The following UGT1A8 variants were observed in gnomAD, a reference collection of about 807,000 sequenced individuals.
UGT1A8 encodes UDP glucuronosyltransferase family 1 member A8.
UGT1A8 carries 39 observed loss-of-function variants against 45.3 expected under a neutral mutation model. The ratio of observed to expected loss-of-function variants is 0.86; its 90% CI spans 0.67 to 1.12. The LOEUF (loss-of-function observed/expected upper bound fraction) is 1.12, where lower values mean the gene tolerates loss of function less well. UGT1A8 is among the 50% of genes most tolerant of loss of function. UGT1A8 has a pLI of 0.00. For synonymous variants in UGT1A8, 275 were observed against 249.2 expected, an observed-to-expected ratio of 1.10 and a Z score of -0.97; for missense variants, 719 against 664.9, an observed-to-expected ratio of 1.08 and a Z score of -0.90.
chr2:233,713,183 G>A (rs2076288608), intron 1 of UGT1A8: 12 of 1,614,100 alleles, frequency 7.4e-6, no homozygotes, highest in Non-Finnish European at 1.0e-5. Flanking sequence ...TCACCCTGGA[G>A]GTGAATATGT....
At chr2:233,647,473 T>C (rs2073634866) in intron 1 of UGT1A8, among the ~76,000 whole-genome samples, 1 of 152,240 alleles carries the variant, frequency 6.6e-6, no homozygotes, top group Non-Finnish European at 1.5e-5. Context: ...ATTTCTTCCT[T>C]CAGTGTTTGG....
chr2:233,670,922 C>CA (rs1186411067), intron 1 of UGT1A8, among the ~76,000 whole-genome samples: 2 of 152,136 alleles, frequency 1.3e-5, no homozygotes, highest in Non-Finnish European at 2.9e-5. Context: ...TCTTGTACAA[C>CA]AAAAAAACTG....
intron 1 of UGT1A8, chr2:233,648,031 C>A: frequency 6.3e-7 from 1 of 1,596,426 alleles, no homozygotes; most frequent in Non-Finnish European, 8.5e-7. Context: ...GAGTTGGCAA[C>A]TGGGAAGATC....
chr2:233,746,806 G>C (rs1247555019), intron 1 of UGT1A8, among the ~76,000 whole-genome samples: 1 of 151,794 alleles, frequency 6.6e-6, no homozygotes, highest in African/African-American at 2.4e-5. Flanking sequence ...GCGTGAATGT[G>C]GATTGCCTAC....
chr2:233,731,513 C>G (rs972587345), intron 1 of UGT1A8, among the ~76,000 whole-genome samples: 4 of 152,148 alleles, frequency 2.6e-5, no homozygotes, highest in Admixed American at 1.3e-4. Context: ...CAGTTCCCAC[C>G]TATGAGTGAG....
intron 1 of UGT1A8, chr2:233,761,102 T>A: frequency 6.2e-7 from 1 of 1,614,234 alleles, no homozygotes; most frequent in Non-Finnish European, 8.5e-7. Context: ...ATGCCCAATA[T>A]GGTTTTTGTT....
intron 1 of UGT1A8, among the ~76,000 whole-genome samples, chr2:233,698,143 A>C (rs995620275): frequency 3.9e-5 from 6 of 152,198 alleles, no homozygotes; most frequent in Non-Finnish European, 8.8e-5. Flanking sequence ...TCTCAACTGT[A>C]TTCCCAGCAT....
chr2:233,743,310 G>T, intron 1 of UGT1A8: 2 of 644,780 alleles, frequency 3.1e-6, no homozygotes, highest in Non-Finnish European at 5.0e-6. Context: ...TCTTGGTGGT[G>T]ATTTTTTTAC....
At position 233,747,373 on chromosome 2, in the gene UGT1A8, G is replaced by A. The variant is rs565595947; in HGVS notation, c.856-19661G>A. 4.2e-4 allele frequency: 670 copies of A among 1,604,600 alleles called. 2 individuals are homozygous for A. The highest frequency in any genetic ancestry group is 5.4e-4 in the Non-Finnish European group (630 of 1,172,902). ...GAGGCCGTGCGGGAGCTCCATGCCAGAGGCCACCAGGCGGTGGTCCTCACC... is the reference window on the plus strand; with the variant it reads ...GAGGCCGTGCGGGAGCTCCATGCCAAAGGCCACCAGGCGGTGGTCCTCACC... On this transcript the variant is annotated intron_variant, in intron 1 of 4. Coordinates refer to ENST00000373450, the MANE Select transcript of UGT1A8 (RefSeq NM_019076.5).
intron 1 of UGT1A8, among the ~76,000 whole-genome samples, chr2:233,658,471 A>G (rs1158634330): frequency 1.3e-5 from 2 of 152,228 alleles, no homozygotes; most frequent in Non-Finnish European, 2.9e-5. Context: ...CCCATCCTGG[A>G]TACCAAATGA....
chr2:233,701,289 C>T (rs185939112), intron 1 of UGT1A8, among the ~76,000 whole-genome samples: 36 of 152,168 alleles, frequency 2.4e-4, no homozygotes, highest in East Asian at 7.7e-4. Context: ...CTTGAGGAAT[C>T]GCCACACTGT....
In UGT1A8 at chr2:233,772,448, C is replaced by A; in HGVS notation, c.1482C>A (p.Ala494=). ...TGGACGTGATTGGTTTCCTCTTGGC[C>A]GTCGTGCTGACAGTGGCCTTCATCA... The part of the protein sequence containing the change: ...HSLDVIGFLL[A]VVLTVAFITF... Residue 494 remains alanine (A), a synonymous_variant, in exon 5 of 5, where the codon GCC becomes GCA. Coordinates refer to ENST00000373450, the MANE Select transcript of UGT1A8 (RefSeq NM_019076.5). 6.2e-7 allele frequency: 1 copy of A among 1,614,180 alleles called. No individual in the cohort carries two copies. The highest frequency in any genetic ancestry group is 8.5e-7 in the Non-Finnish European group (1 of 1,180,038).
intron 4 of UGT1A8, chr2:233,771,362 C>T (rs1186329971): frequency 6.6e-6 from 1 of 152,076 alleles, no homozygotes; most frequent in African/African-American, 2.4e-5. Context: ...GTTGAAGCAC[C>T]TAACCCGTTT....
intron 1 of UGT1A8, among the ~76,000 whole-genome samples, chr2:233,638,097 C>T (rs980575631): frequency 1.3e-5 from 2 of 152,128 alleles, no homozygotes; most frequent in African/African-American, 2.4e-5. Context: ...GAGTCCTACA[C>T]GTAGGGTTAC....
At chr2:233,637,327 A>G (rs779298247) in intron 1 of UGT1A8, 8 of 1,613,988 alleles carry the variant, frequency 5.0e-6, no homozygotes, top group East Asian at 2.2e-5. Flanking sequence ...GATGCCCAAC[A>G]TGATCTTCAT....
chr2:233,689,310 C>T (rs933762427), intron 1 of UGT1A8, among the ~76,000 whole-genome samples: 1 of 151,096 alleles, frequency 6.6e-6, no homozygotes, highest in African/African-American at 2.4e-5. Context: ...CACAGTAAGA[C>T]CAAACATCTA....
intron 1 of UGT1A8, chr2:233,730,092 A>G: frequency 1.3e-6 from 2 of 1,595,278 alleles, no homozygotes. Context: ...TTATCTTTCC[A>G]AATATTTCAT....
chr2:233,648,917 C>G (rs536979182), intron 1 of UGT1A8: 3 of 1,363,194 alleles, frequency 2.2e-6, no homozygotes, highest in African/African-American at 2.9e-5. Flanking sequence ...AGCCACACAT[C>G]AATTTGGTTG....
At chr2:233,712,416 C>T (rs2076233060) in intron 1 of UGT1A8, among the ~76,000 whole-genome samples, 1 of 152,192 alleles carries the variant, frequency 6.6e-6, no homozygotes, top group South Asian at 2.1e-4. Context: ...TTGAGCTTTA[C>T]AAGAAATATC....
Sources: gnomAD v4.1 joint callset for allele counts (sites outside exome capture counted in the v4.1 genomes callset) on GRCh38, gnomAD v4.1.1 for gene constraint, MANE v1.5 for transcripts, NCBI Gene and HGNC (gene_info 2026-07-23, HGNC 2026-07-21) for gene names.